Variants in OR7C1 observed in about 807,000 individuals in gnomAD.
OR7C1 encodes the protein olfactory receptor 7C1.
For synonymous variants in OR7C1, 152 were observed against 160.7 expected (o/e 0.95, Z 0.41); for missense variants, 324 against 383.3 (o/e 0.85, Z 1.29).
At chr19:14,815,863 C>T (rs2044714104) in intron 1 of OR7C1, among the ~76,000 whole-genome samples, 1 of 151,002 alleles carries the variant, frequency 6.6e-6, no homozygotes, top group African/African-American at 2.4e-5. Context: ...GCTCTGTTGC[C>T]CAGGCAGGCG....
intron 2 of OR7C1, among the ~76,000 whole-genome samples, chr19:14,801,036 TA>T (rs1453373391): frequency 3.9e-5 from 6 of 152,196 alleles, no homozygotes; most frequent in Non-Finnish European, 7.3e-5. Flanking sequence ...GTCCGTGTTC[TA>T]AATTTTCCTA....
At chr19:14,806,143 C>A (rs2044665623) in intron 2 of OR7C1, among the ~76,000 whole-genome samples, 1 of 151,812 alleles carries the variant, frequency 6.6e-6, no homozygotes. Context: ...TTTCAGGGCT[C>A]CTGAATACCT....
intron 1 of OR7C1, chr19:14,827,193 T>TAATATAAAAA: frequency 7.8e-7 from 1 of 1,276,656 alleles, no homozygotes; most frequent in Non-Finnish European, 1.0e-6. Flanking sequence ...CCCAGAAATA[T>TAATATAAAAA]AATAAGTATT....
chr19:14,833,995 C>CCGGGTACTCT (rs1555696582), intron 1 of OR7C1, among the ~76,000 whole-genome samples: 1 of 152,142 alleles, frequency 6.6e-6, no homozygotes, highest in East Asian at 1.9e-4. Flanking sequence ...CGTGGTGGCA[C>CCGGGTACTCT]ACGTCTGCAA....
At chr19:14,813,772 A>G (rs2044703303) in intron 1 of OR7C1, among the ~76,000 whole-genome samples, 1 of 152,004 alleles carries the variant, frequency 6.6e-6, no homozygotes, top group South Asian at 2.1e-4. Context: ...CTCACTCACT[A>G]TCACAAGCAC....
intron 1 of OR7C1, among the ~76,000 whole-genome samples, chr19:14,813,863 A>T (rs746187127): frequency 7.9e-5 from 12 of 152,224 alleles, no homozygotes; most frequent in Non-Finnish European, 1.5e-4. Context: ...ACAATTTGAG[A>T]TGAGATTTGG....
intron 1 of OR7C1, chr19:14,827,796 C>T (rs2044786295): frequency 6.2e-7 from 1 of 1,614,154 alleles, no homozygotes; most frequent in Non-Finnish European, 8.5e-7. Flanking sequence ...ACTCATGGTC[C>T]AGGATGCTAG....
chr19:14,801,407 TTTG>T (rs1285396406), intron 2 of OR7C1, among the ~76,000 whole-genome samples: 2 of 152,258 alleles, frequency 1.3e-5, no homozygotes, highest in Non-Finnish European at 2.9e-5. Flanking sequence ...ACATGTTCGT[TTTG>T]TGAGTTTCTG....
rs756668146 is a variant in OR7C1, at chr19:14,799,789, G to A, written c.348C>T (p.Thr116=). The change falls in exon 5 of 5, where the codon ACC becomes ACT. Residue 116 remains threonine (T), a synonymous_variant. Transcript: ENST00000641666. ...CCACGAAGCGGTCATAGGCCATCAC[G>A]GTCAAGAGTAAATTGTCCAGGCATC... 3.1e-6 allele frequency: 5 copies of A among 1,613,658 alleles called. No individual in the cohort carries two copies. The South Asian group carries it at 3.3e-5, about 11-fold the overall frequency.
At chr19:14,825,512 AG>A (rs2044761503) in intron 1 of OR7C1, 1 of 152,234 alleles carries the variant, frequency 6.6e-6, no homozygotes, top group South Asian at 2.1e-4. Context: ...TTTAGCCAAA[AG>A]AATATGGTGG....
chr19:14,801,749 T>C (rs146433005), intron 2 of OR7C1, among the ~76,000 whole-genome samples: 317 of 152,190 alleles, frequency 2.1e-3, no homozygotes, highest in African/African-American at 7.4e-3. Flanking sequence ...ACAATTATGG[T>C]GGAAGGGGAA....
intron 1 of OR7C1, chr19:14,825,153 C>G (rs776164188): frequency 6.6e-6 from 1 of 152,152 alleles, no homozygotes; most frequent in Admixed American, 6.5e-5. Context: ...ATGGCTTCAG[C>G]CTGGGAGATC....
intron 1 of OR7C1, chr19:14,824,600 T>C (rs563991608): frequency 6.6e-6 from 1 of 152,344 alleles, no homozygotes; most frequent in Admixed American, 6.5e-5. Context: ...GTGTACATAC[T>C]ACATTTTCTT....
chr19:14,806,053 GTC>G (rs2044665159), intron 2 of OR7C1, among the ~76,000 whole-genome samples: 1 of 151,568 alleles, frequency 6.6e-6, no homozygotes, highest in African/African-American at 2.4e-5. Context: ...TATACAATAA[GTC>G]TGTACTATTT....
chr19:14,832,168 C>G (rs1237060338), intron 1 of OR7C1, among the ~76,000 whole-genome samples: 1 of 152,156 alleles, frequency 6.6e-6, no homozygotes, highest in Non-Finnish European at 1.5e-5. Flanking sequence ...GCTGGGCCTC[C>G]CAAAGTGCTG....
intron 1 of OR7C1, among the ~76,000 whole-genome samples, chr19:14,822,183 T>C (rs142921628): frequency 1.3e-5 from 2 of 152,288 alleles, no homozygotes; most frequent in East Asian, 3.9e-4. Context: ...CAGATATCTC[T>C]TCAACATACT....
intron 1 of OR7C1, among the ~76,000 whole-genome samples, chr19:14,828,911 A>AAAGAATATAAACAAATTAAACAATCGAAT (rs2044803540): frequency 6.6e-6 from 1 of 151,748 alleles, no homozygotes; most frequent in Non-Finnish European, 1.5e-5. Context: ...AATGATGAAG[A>AAAGAATATAAACAAATTAAACAATCGAAT]AAGAATATAA....
intron 1 of OR7C1, among the ~76,000 whole-genome samples, chr19:14,817,114 G>C (rs1484637647): frequency 6.6e-6 from 1 of 152,130 alleles, no homozygotes; most frequent in East Asian, 1.9e-4. Flanking sequence ...TAATTGCAAA[G>C]TAAAGCTTGC....
chr19:14,816,972 G>A lies in OR7C1; in HGVS notation c.-622-6979C>T, dbSNP rs1311587972. ...GTCCACAGAGAAATCAGACACTTAC[G>A]GGTTAGTAAGTTCCAGCAGTAAGAG... On this transcript the variant is annotated intron_variant, in intron 1 of 4. Coordinates refer to ENST00000641666, the Ensembl canonical transcript of OR7C1. Among the ~76,000 whole-genome samples the A allele has an allele frequency of 3.3e-5, 5 of 152,066 alleles. No individual in the cohort carries two copies. In the East Asian group the frequency reaches 5.8e-4, roughly 18 times the overall value.
Sources: gnomAD v4.1 joint callset for allele counts (sites outside exome capture counted in the v4.1 genomes callset) on GRCh38, gnomAD v4.1.1 for gene constraint, MANE v1.5 for transcripts, NCBI Gene and HGNC (gene_info 2026-07-23, HGNC 2026-07-21) for gene names.